Variants in EMSY observed in about 807,000 individuals in gnomAD.
EMSY encodes the protein BRCA2-interacting transcriptional repressor EMSY.
EMSY carries 26 observed loss-of-function variants against 134.6 expected under a neutral mutation model. The ratio of observed to expected loss-of-function variants is 0.19; its 90% confidence interval spans 0.14 to 0.27. The LOEUF is 0.27. EMSY is among the 10% of genes least tolerant of loss of function. EMSY has a pLI of 1.00. For synonymous variants in EMSY, 579 were observed against 577.8 expected (o/e 1.00, Z -0.03); for missense variants, 1,305 against 1,611.4 (o/e 0.81, Z 3.26).
chr11:76,530,408 G>A (rs891430893), intron 14 of EMSY, among the ~76,000 whole-genome samples: 3 of 152,058 alleles, frequency 2.0e-5, no homozygotes, highest in South Asian at 2.1e-4. Flanking sequence ...TAATCCACCC[G>A]CCTCGGCCTC....
exon 19 of EMSY, chr11:76,544,337 A>G: frequency 5.6e-6 from 9 of 1,614,154 alleles, no homozygotes; most frequent in Non-Finnish European, 7.6e-6. Flanking sequence ...AGAGATGGAC[A>G]CTTTAGACCC....
chr11:76,523,704 C>CTTT lies in EMSY; in HGVS notation c.1821+432_1821+434dup, dbSNP rs746491659. Reference sequence around the variant, plus strand: ...TTAATTGATGGGGATTTGTTACTTTCTTTTTTTTTTTTTTTTTTTTTCATT... The same window carrying CTTT: ...TTAATTGATGGGGATTTGTTACTTTCTTTTTTTTTTTTTTTTTTTTTTTTCATT... On this transcript the variant is annotated intron_variant, in intron 12 of 20. Transcript: ENST00000334736. Among the ~76,000 whole-genome samples the CTTT allele has an allele frequency of 7.9e-3, 632 of 80,486 alleles. 15 individuals are homozygous for CTTT. The highest frequency in any genetic ancestry group is 0.022 in the Middle Eastern group (2 of 92). 52.8% of individuals were successfully genotyped at this position (80,486 alleles called of 152,430 possible). A position where few individuals can be genotyped will look rare whatever the true frequency, so the allele number is the denominator to read the frequency against.
chr11:76,511,155 A>G (rs187619591), intron 9 of EMSY, among the ~76,000 whole-genome samples: 275 of 152,254 alleles, frequency 1.8e-3, no homozygotes, highest in Non-Finnish European at 3.3e-3. Flanking sequence ...CTCCAATGCA[A>G]CTATCTGAGC....
intron 7 of EMSY, 50 bp from the exon 9 acceptor site, chr11:76,472,514 C>T (rs1948613872): frequency 6.6e-7 from 1 of 1,508,772 alleles, no homozygotes; most frequent in Non-Finnish European, 9.1e-7. Context: ...AGTCTAGATA[C>T]ATTAGTAGTT....
chr11:76,520,380 G>C (rs1438482683), intron 11 of EMSY, among the ~76,000 whole-genome samples: 1 of 152,116 alleles, frequency 6.6e-6, no homozygotes, highest in African/African-American at 2.4e-5. Context: ...TTGTCAAAAA[G>C]TGGTCCTTGT....
chr11:76,463,731 G>C (rs1948234180), intron 6 of EMSY, 90 bp from the exon 8 acceptor site: 1 of 1,414,040 alleles, frequency 7.1e-7, no homozygotes, highest in South Asian at 1.4e-5. Flanking sequence ...GACAGAGAGA[G>C]GACAAGGATG....
At chr11:76,501,330 A>G (rs1385933285) in intron 9 of EMSY, among the ~76,000 whole-genome samples, 1 of 152,202 alleles carries the variant, frequency 6.6e-6, no homozygotes, top group Non-Finnish European at 1.5e-5. Flanking sequence ...AACAAACAAC[A>G]GAAACTATAA....
chr11:76,465,443 A>C (rs1948309475), intron 7 of EMSY, among the ~76,000 whole-genome samples: 2 of 152,184 alleles, frequency 1.3e-5, no homozygotes, highest in Non-Finnish European at 2.9e-5. Context: ...AATACATGAA[A>C]TAATATATGA....
chr11:76,499,785 C>G (rs1395132965), intron 9 of EMSY, among the ~76,000 whole-genome samples: 1 of 151,612 alleles, frequency 6.6e-6, no homozygotes, highest in Non-Finnish European at 1.5e-5. Flanking sequence ...TTGTTTTGTT[C>G]TGTTTTCTTA....
At chr11:76,534,012 T>G (rs900649943) in intron 14 of EMSY, among the ~76,000 whole-genome samples, 3 of 152,182 alleles carry the variant, frequency 2.0e-5, no homozygotes, top group African/African-American at 7.2e-5. Flanking sequence ...GGTCAGCTGC[T>G]CTTTCTGAGT....
At position 76,459,558 on chromosome 11, in the gene EMSY, A is replaced by G. The variant is rs185290760; in HGVS notation, c.422-378A>G. The G allele has an allele frequency of 2.5e-3, 412 of 162,792 alleles. 3 individuals are homozygous for G. Among genetic ancestry groups the G allele is most frequent in the Non-Finnish European group, 4.2e-3 (310 of 74,566 alleles). 10.1% of individuals were successfully genotyped at this position (162,792 alleles called of 1,614,324 possible). A position where few individuals can be genotyped will look rare whatever the true frequency, so the allele number is the denominator to read the frequency against. On this transcript the variant is annotated intron_variant, in intron 5 of 20. Transcript: ENST00000334736. ...AAGGTTAGGGAAAAATTATCCACCC[A>G]TATCATTGGTGCTGCTATTAGTATT...
At chr11:76,538,056 T>A in intron 16 of EMSY, 106 bp downstream of exon 17, 1 of 1,060,800 alleles carries the variant, frequency 9.4e-7, no homozygotes, top group South Asian at 2.4e-5. Flanking sequence ...TTTAGCTTTT[T>A]CCTCTTTGTT....
intron 8 of EMSY, among the ~76,000 whole-genome samples, chr11:76,494,202 C>T (rs1336707841): frequency 6.6e-6 from 1 of 152,230 alleles, no homozygotes; most frequent in Non-Finnish European, 1.5e-5. Context: ...TAGCACGAGC[C>T]AAGCACCGCC....
At chr11:76,469,906 T>C (rs1948506579) in intron 7 of EMSY, among the ~76,000 whole-genome samples, 1 of 152,232 alleles carries the variant, frequency 6.6e-6, no homozygotes, top group Non-Finnish European at 1.5e-5. Context: ...TGATCAAGTC[T>C]ATCTATAAAT....
intron 1 of EMSY, among the ~76,000 whole-genome samples, chr11:76,446,349 G>GTATATATA (rs10636663): frequency 0.013 from 1,676 of 129,800 alleles, 34 homozygotes; most frequent in African/African-American, 0.047. Context: ...ATATATATGT[G>GTATATATA]TATATATATA....
At chr11:76,519,035 G>A (rs1950555550) in intron 11 of EMSY, among the ~76,000 whole-genome samples, 1 of 150,928 alleles carries the variant, frequency 6.6e-6, no homozygotes, top group Non-Finnish European at 1.5e-5. Flanking sequence ...TTAAATGGAA[G>A]CCATGACTAT....
chr11:76,547,101 G>T, intron 20 of EMSY: 1 of 453,240 alleles, frequency 2.2e-6, no homozygotes, highest in South Asian at 1.6e-5. Context: ...TCCTTGCAAG[G>T]TATCAGGTTG....
Position 76,537,960 on chromosome 11 carries a change from C to T in EMSY, c.2515+10C>T. ...GAATACATCACTACTGGTAGGTGTCCTCTTAAAATGTAGTATTAAGGTAGG... is the reference window on the plus strand; with the variant it reads ...GAATACATCACTACTGGTAGGTGTCTTCTTAAAATGTAGTATTAAGGTAGG... On this transcript the variant is annotated intron_variant, in intron 16 of 20. Coordinates refer to ENST00000334736, the Ensembl canonical transcript of EMSY. 4.4e-6 allele frequency: 7 copies of T among 1,600,550 alleles called. No individual in the cohort carries two copies. The highest frequency in any genetic ancestry group is 5.1e-6 in the Non-Finnish European group (6 of 1,173,254).
chr11:76,460,474 G>A (rs1948064921), intron 6 of EMSY: 1 of 157,428 alleles, frequency 6.4e-6, no homozygotes, highest in Non-Finnish European at 1.4e-5. Context: ...TTTATATAAT[G>A]TATTATCCAG....
Sources: gnomAD v4.1 joint callset for allele counts (sites outside exome capture counted in the v4.1 genomes callset) on GRCh38, gnomAD v4.1.1 for gene constraint, MANE v1.5 for transcripts, NCBI Gene and HGNC (gene_info 2026-07-23, HGNC 2026-07-21) for gene names.